Variants in GSG1L observed in about 807,000 individuals in gnomAD.
GSG1L encodes GSG1 like.
GSG1L carries 24 observed loss-of-function variants against 42.1 expected under a neutral mutation model. That is an observed-to-expected ratio of 0.57 (90% CI 0.41 to 0.80). The LOEUF (loss-of-function observed/expected upper bound fraction) is 0.80. Among genes scored for constraint, GSG1L ranks in the 30% least tolerant of loss-of-function variants. GSG1L has a pLI of 0.00. For synonymous variants in GSG1L, 215 were observed against 203.5 expected, an observed-to-expected ratio of 1.06 and a Z score of -0.48; for missense variants, 445 against 472.2, an observed-to-expected ratio of 0.94 and a Z score of 0.53.
chr16:27,984,020 A>C (rs1420449630), intron 1 of GSG1L, among the ~76,000 whole-genome samples: 1 of 152,196 alleles, frequency 6.6e-6, no homozygotes, highest in Non-Finnish European at 1.5e-5. Context: ...ATGCTTATCC[A>C]ACATCCTCAG....
chr16:27,998,406 G>A (rs760421942), intron 1 of GSG1L: 2 of 152,234 alleles, frequency 1.3e-5, no homozygotes, highest in Admixed American at 1.3e-4. Flanking sequence ...AAGCACTGAT[G>A]TGGACATCTT....
At chr16:27,917,710 C>G (rs1198385026) in intron 2 of GSG1L, among the ~76,000 whole-genome samples, 1 of 152,184 alleles carries the variant, frequency 6.6e-6, no homozygotes, top group African/African-American at 2.4e-5. Context: ...CCTGCTGAAT[C>G]TAAAATTTAT....
intron 5 of GSG1L, among the ~76,000 whole-genome samples, chr16:27,825,658 T>C (rs1344295446): frequency 6.6e-6 from 1 of 152,192 alleles, no homozygotes; most frequent in Non-Finnish European, 1.5e-5. Flanking sequence ...GGTTTAGCTG[T>C]GTCCACCCAA....
intron 3 of GSG1L, among the ~76,000 whole-genome samples, chr16:27,878,665 G>A (rs2083916708): frequency 1.3e-5 from 2 of 152,140 alleles, no homozygotes; most frequent in Non-Finnish European, 2.9e-5. Flanking sequence ...TCAAACTCCT[G>A]GCCTCAAGTG....
chr16:27,801,777 A>G (rs899585283), intron 6 of GSG1L, among the ~76,000 whole-genome samples: 2 of 152,172 alleles, frequency 1.3e-5, no homozygotes. Flanking sequence ...GCCGGGTTCA[A>G]ATCCCAGCTT....
chr16:28,005,620 T>C (rs554253244), intron 1 of GSG1L, among the ~76,000 whole-genome samples: 41 of 147,462 alleles, frequency 2.8e-4, no homozygotes, highest in Non-Finnish European at 4.2e-4. Flanking sequence ...GTATGAATGG[T>C]GGGGGGGGAG....
intron 1 of GSG1L, among the ~76,000 whole-genome samples, chr16:28,028,993 G>A (rs555990023): frequency 1.3e-5 from 2 of 152,314 alleles, no homozygotes; most frequent in East Asian, 3.9e-4. Flanking sequence ...CAGGGCACCA[G>A]GCGACCCACA....
In GSG1L at chr16:27,998,127, G is replaced by T. The variant is rs540756532; in HGVS notation, c.350-34924C>A. On this transcript the variant is annotated intron_variant, in intron 1 of 6. Transcript: ENST00000447459. ...CCACCTCGGCCACCCAAAATGCTGG[G>T]ATTACAGGTGTGAGCCACCACGCCT... Among the ~76,000 whole-genome samples, 4 of 152,178 alleles carry T rather than the reference G, an allele frequency of 2.6e-5. No homozygotes were observed. The South Asian group carries it at 8.3e-4, about 32-fold the overall frequency.
chr16:27,955,932 G>GGAAGGAAA (rs1555510663), intron 2 of GSG1L, among the ~76,000 whole-genome samples: 48 of 136,878 alleles, frequency 3.5e-4, no homozygotes, highest in African/African-American at 1.2e-3. Flanking sequence ...AAGGAAAGAA[G>GGAAGGAAA]GAAGGAAGGA....
intron 1 of GSG1L, among the ~76,000 whole-genome samples, chr16:28,024,476 T>C (rs1178498126): frequency 6.6e-6 from 1 of 152,134 alleles, no homozygotes; most frequent in East Asian, 1.9e-4. Flanking sequence ...TCTAGGAAGC[T>C]ACAAAATACA....
chr16:28,018,293 T>C (rs999480744), intron 1 of GSG1L, among the ~76,000 whole-genome samples: 1 of 152,214 alleles, frequency 6.6e-6, no homozygotes, highest in Non-Finnish European at 1.5e-5. Flanking sequence ...TAGCTAAAGA[T>C]TGATCCAGTT....
At chr16:27,939,776 G>T (rs1245747292) in intron 2 of GSG1L, among the ~76,000 whole-genome samples, 1 of 152,186 alleles carries the variant, frequency 6.6e-6, no homozygotes, top group Non-Finnish European at 1.5e-5. Flanking sequence ...GAGACTTCAT[G>T]CATCACCAAA....
intron 1 of GSG1L, among the ~76,000 whole-genome samples, chr16:28,047,985 G>A (rs886546700): frequency 2.0e-5 from 3 of 151,546 alleles, no homozygotes; most frequent in East Asian, 3.9e-4. Context: ...TTGGGAGGCT[G>A]AGGCAGGAAG....
intron 3 of GSG1L, among the ~76,000 whole-genome samples, chr16:27,865,651 GTA>G (rs146225860): frequency 0.013 from 1,788 of 136,832 alleles, 65 homozygotes; most frequent in African/African-American, 0.046. Context: ...GTGTGTGTAT[GTA>G]TATATATATA....
chr16:27,900,901 G>A (rs182387470), intron 2 of GSG1L, among the ~76,000 whole-genome samples: 1 of 152,090 alleles, frequency 6.6e-6, no homozygotes, highest in African/African-American at 2.4e-5. Context: ...GCCATGGTGG[G>A]TGGATCATCT....
At chr16:27,947,577 GAAA>G (rs1567530885) in intron 2 of GSG1L, among the ~76,000 whole-genome samples, 4 of 118,492 alleles carry the variant, frequency 3.4e-5, no homozygotes, top group African/African-American at 1.3e-4. Context: ...AAGAAAGAAA[GAAA>G]GAAAGAAAGA....
chr16:27,928,886 T>C (rs2084626393), intron 2 of GSG1L, among the ~76,000 whole-genome samples: 1 of 152,218 alleles, frequency 6.6e-6, no homozygotes, highest in Admixed American at 6.5e-5. Flanking sequence ...TTTGCTTCCC[T>C]CCTTACAAAC....
At chr16:27,824,962 C>G (rs2083192787) in intron 5 of GSG1L, among the ~76,000 whole-genome samples, 2 of 152,230 alleles carry the variant, frequency 1.3e-5, no homozygotes, top group Non-Finnish European at 1.5e-5. Context: ...CTGTGCCATG[C>G]TGGGCATTGC....
At chr16:28,012,995 C>T (rs1445053219) in intron 1 of GSG1L, among the ~76,000 whole-genome samples, 2 of 151,748 alleles carry the variant, frequency 1.3e-5, no homozygotes. Flanking sequence ...GAGGCCGAGG[C>T]GGGTGGATCA....
Sources: gnomAD v4.1 joint callset for allele counts (sites outside exome capture counted in the v4.1 genomes callset) on GRCh38, gnomAD v4.1.1 for gene constraint, MANE v1.5 for transcripts, NCBI Gene and HGNC (gene_info 2026-07-23, HGNC 2026-07-21) for gene names.